NSUN6: variants seen among roughly 807,000 people sequenced by gnomAD.
NSUN6 encodes tRNA (cytosine(72)-C(5))-methyltransferase NSUN6.
In NSUN6, 64 loss-of-function variants were observed where a neutral mutation model predicts 58.0. That is an observed-to-expected ratio of 1.10 (90% confidence interval 0.90 to 1.36). The LOEUF is 1.36. NSUN6 is among the 40% of genes most tolerant of loss of function. The pLI, the probability that NSUN6 is intolerant of heterozygous loss-of-function variation, is 0.00. For synonymous variants in NSUN6, 231 were observed against 193.9 expected (o/e 1.19, Z -1.59); for missense variants, 701 against 550.1 (o/e 1.27, Z -2.74).
chr10:18,615,751 T>C (rs1449259394), intron 4 of NSUN6, among the ~76,000 whole-genome samples: 1 of 152,204 alleles, frequency 6.6e-6, no homozygotes, highest in Non-Finnish European at 1.5e-5. Context: ...ACTAACTTAC[T>C]AAGCATATGC....
chr10:18,606,961 C>G (rs1476203834), intron 6 of NSUN6, among the ~76,000 whole-genome samples: 1 of 152,190 alleles, frequency 6.6e-6, no homozygotes, highest in African/African-American at 2.4e-5. Context: ...CTAAGTTAAT[C>G]AATCCCTGAA....
chr10:18,594,199 GAA>G (rs749132499), intron 7 of NSUN6, among the ~76,000 whole-genome samples: 1 of 123,078 alleles, frequency 8.1e-6, no homozygotes, highest in Non-Finnish European at 1.7e-5. Context: ...AAGACTCTGA[GAA>G]AAAAAAAAAA....
intron 8 of NSUN6, among the ~76,000 whole-genome samples, chr10:18,578,231 A>ATTTTTTTTTTTT (rs71402184): frequency 6.6e-5 from 8 of 121,156 alleles, no homozygotes; most frequent in Non-Finnish European, 9.9e-5. Flanking sequence ...CTCTAAGCCT[A>ATTTTTTTTTTTT]TTTTTTTTTT....
At chr10:18,613,825 A>T (rs999746429) in intron 5 of NSUN6, among the ~76,000 whole-genome samples, 14 of 152,216 alleles carry the variant, frequency 9.2e-5, no homozygotes, top group Admixed American at 7.2e-4. Context: ...CACAGCTTTC[A>T]GCATGTCTAT....
At chr10:18,626,094 T>C (rs1336013020) in intron 3 of NSUN6, among the ~76,000 whole-genome samples, 2 of 152,224 alleles carry the variant, frequency 1.3e-5, no homozygotes, top group East Asian at 3.9e-4. Flanking sequence ...GGAGATCTGC[T>C]AAGTGACTGT....
intron 3 of NSUN6, among the ~76,000 whole-genome samples, chr10:18,637,441 A>C (rs2059255320): frequency 6.6e-6 from 1 of 152,272 alleles, no homozygotes; most frequent in African/African-American, 2.4e-5. Context: ...GTAAGTATTG[A>C]AAATAATTTA....
upstream of NSUN6, chr10:18,652,732 G>C (rs1235838756): frequency 1.2e-5 from 5 of 427,098 alleles, no homozygotes; most frequent in Non-Finnish European, 1.6e-5. Flanking sequence ...GCTAATCTTT[G>C]TAATTTTAAT....
chr10:18,567,657 TCATTGCATTCCATTCCG>T (rs894856461), intron 8 of NSUN6, among the ~76,000 whole-genome samples: 24 of 147,178 alleles, frequency 1.6e-4, no homozygotes, highest in South Asian at 6.5e-4. Context: ...ATTCCATTCC[TCATTGCATTCCATTCCG>T]CATTCCATTC....
chr10:18,636,437 G>C (rs1198302491), intron 3 of NSUN6, among the ~76,000 whole-genome samples: 1 of 151,176 alleles, frequency 6.6e-6, no homozygotes, highest in African/African-American at 2.4e-5. Context: ...AAGGAGGGTG[G>C]ATCACTTGAG....
chr10:18,573,077 C>T (rs1057264040), intron 8 of NSUN6, among the ~76,000 whole-genome samples: 95 of 150,052 alleles, frequency 6.3e-4, no homozygotes, highest in African/African-American at 8.1e-4. Context: ...TTCCATTCTC[C>T]GTTCCACTCC....
chr10:18,556,830 T>A (rs191176420), intron 8 of NSUN6, among the ~76,000 whole-genome samples: 1 of 143,940 alleles, frequency 6.9e-6, no homozygotes, highest in Non-Finnish European at 1.5e-5. Context: ...TGGAATGCAA[T>A]GGAGAATGCA....
intron 3 of NSUN6, among the ~76,000 whole-genome samples, chr10:18,639,351 A>G (rs1431851092): frequency 1.3e-5 from 2 of 151,968 alleles, no homozygotes; most frequent in African/African-American, 4.8e-5. Context: ...AAATGAAGCC[A>G]GGTGTGGTGG....
chr10:18,642,560 TA>T lies in NSUN6; in HGVS notation c.232-6del. The T allele has an allele frequency of 7.2e-7, 1 of 1,383,340 alleles. No homozygotes were observed. The highest frequency in any genetic ancestry group is 1.0e-6 in the Non-Finnish European group (1 of 973,410). The allele number at this position is 1,383,340 out of a possible 1,614,324, so 85.7% of individuals were successfully genotyped here. ...AACACTTAATCCATTAAACTGCTGT[TA>T]AAGATAAACATGATTATAAAGTAAT... On this transcript the variant is annotated splice_region_variant and splice_polypyrimidine_tract_variant and intron_variant, in intron 2 of 10. Transcript: ENST00000377304.
chr10:18,606,085 A>T (rs1020079683), intron 6 of NSUN6, among the ~76,000 whole-genome samples: 1 of 152,208 alleles, frequency 6.6e-6, no homozygotes, highest in Admixed American at 6.5e-5. Flanking sequence ...TAAATATTTT[A>T]AAATTATTGG....
At chr10:18,659,229 T>A (rs997359558), upstream of NSUN6, 3 of 193,926 alleles carry the variant, frequency 1.5e-5, no homozygotes, top group Non-Finnish European at 3.1e-5. Flanking sequence ...GGGACTCTCC[T>A]ACCGGAAGTG....
intron 8 of NSUN6, among the ~76,000 whole-genome samples, chr10:18,558,177 GAATGGAATGCAC>G (rs2055190801): frequency 6.6e-6 from 1 of 151,692 alleles, no homozygotes; most frequent in South Asian, 2.1e-4. Context: ...GAATGGAATG[GAATGGAATGCAC>G]AGTGGAATGC....
At chr10:18,567,975 CCCATT>C (rs927251584) in intron 8 of NSUN6, among the ~76,000 whole-genome samples, 7 of 149,672 alleles carry the variant, frequency 4.7e-5, no homozygotes, top group Non-Finnish European at 9.0e-5. Flanking sequence ...CATTCCATTC[CCCATT>C]CCATTCCATT....
At chr10:18,627,469 C>T (rs61663155) in intron 3 of NSUN6, among the ~76,000 whole-genome samples, 30,366 of 152,092 alleles carry the variant, frequency 0.2, 3,325 homozygotes, top group South Asian at 0.31. Context: ...ACGCAGAAGA[C>T]GGGTGATTTC....
In NSUN6 at chr10:18,585,736, C is replaced by A. The variant is rs1279570322; in HGVS notation, c.922+213G>T. Among the ~76,000 whole-genome samples, 3 of 152,154 alleles carry A rather than the reference C, an allele frequency of 2.0e-5. No individual in the cohort carries two copies. The East Asian group carries it at 5.8e-4, about 29-fold the overall frequency. ...TAAGTTTTTGAGATCTACTGCACAG[C>A]ATGGTGACTATACTAATGTATTTTG... On this transcript the variant is annotated intron_variant, in intron 8 of 10. Transcript: ENST00000377304.
Sources: gnomAD v4.1 joint callset for allele counts (sites outside exome capture counted in the v4.1 genomes callset) on GRCh38, gnomAD v4.1.1 for gene constraint, MANE v1.5 for transcripts, NCBI Gene and HGNC (gene_info 2026-07-23, HGNC 2026-07-21) for gene names.